CABP5: variants seen among roughly 807,000 people sequenced by gnomAD.
The protein encoded by CABP5 is calcium-binding protein 5.
CABP5 carries 17 observed loss-of-function variants against 21.9 expected under a neutral mutation model. That is an observed-to-expected ratio of 0.78 (90% CI 0.53 to 1.17). CABP5 has a LOEUF of 1.17. CABP5 is among the 50% of genes most tolerant of loss of function. The probability of loss-of-function intolerance (pLI) is 0.00; values close to 1 mark genes in which losing one functional copy is unlikely to be tolerated. For synonymous variants in CABP5, 85 were observed against 79.4 expected, an observed-to-expected ratio of 1.07 and a Z score of -0.37; for missense variants, 229 against 228.9, an observed-to-expected ratio of 1.00 and a Z score of 0.00.
intron 5 of CABP5, among the ~76,000 whole-genome samples, chr19:48,030,988 G>A (rs1490997891): frequency 1.3e-5 from 2 of 151,900 alleles, no homozygotes; most frequent in African/African-American, 4.8e-5. Flanking sequence ...AAATTAAATA[G>A]GTAAATAAAA....
At position 48,030,231 on chromosome 19, in the gene CABP5, G is replaced by A. The variant is rs985779576; in HGVS notation, c.*326C>T. On this transcript the variant is annotated 3_prime_UTR_variant, in exon 6 of 6. Transcript: ENST00000293255. ...AAGGGGAAGCTGGGGAAGAGACTCT[G>A]GCAGGTCACAGGGACTTAGGACTAC... The A allele has an allele frequency of 3.3e-6, 1 of 300,832 alleles. No homozygotes were observed. The highest frequency in any genetic ancestry group is 2.2e-5 in the African/African-American group (1 of 46,262). The allele number at this position is 300,832 out of a possible 1,614,324, so 18.6% of individuals were successfully genotyped here.
intron 4 of CABP5, among the ~76,000 whole-genome samples, chr19:48,035,201 AC>A (rs1214680289): frequency 6.6e-6 from 1 of 152,090 alleles, no homozygotes; most frequent in Admixed American, 6.6e-5. Flanking sequence ...TCTGCATGTA[AC>A]ATCATGTGGT....
intron 4 of CABP5, among the ~76,000 whole-genome samples, chr19:48,035,078 T>C (rs1351558263): frequency 3.9e-5 from 6 of 152,178 alleles, no homozygotes; most frequent in Non-Finnish European, 8.8e-5. Context: ...ATTCCTCCTG[T>C]CTAACCAAAA....
At chr19:48,041,818 C>A (rs1052967142) in intron 1 of CABP5, among the ~76,000 whole-genome samples, 1 of 152,012 alleles carries the variant, frequency 6.6e-6, no homozygotes, top group Non-Finnish European at 1.5e-5. Flanking sequence ...CTCCCACCCA[C>A]GAATCCCAAT....
At position 48,040,483 on chromosome 19, in the gene CABP5, G is replaced by C. The variant is rs2122376637; in HGVS notation, c.238+122C>G. 7 of 996,046 alleles carry C rather than the reference G, an allele frequency of 7.0e-6. No homozygotes were observed. The South Asian group carries it at 1.3e-4, about 19-fold the overall frequency. The allele number at this position is 996,046 out of a possible 1,614,324, so 61.7% of individuals were successfully genotyped here. A position where few individuals can be genotyped will look rare whatever the true frequency, so the allele number is the denominator to read the frequency against. ...GTCGAATCTGACCTGTTTTCTTCCA[G>C]ACTTCTAGTCCCTCTCATCCTCCTC... On this transcript the variant is annotated intron_variant, in intron 3 of 5. Coordinates refer to ENST00000293255, the MANE Select transcript of CABP5 (RefSeq NM_019855.5).
At chr19:48,033,997 C>T (rs1391014508) in intron 5 of CABP5, among the ~76,000 whole-genome samples, 1 of 152,082 alleles carries the variant, frequency 6.6e-6, no homozygotes, top group African/African-American at 2.4e-5. Flanking sequence ...TGAGGTGTTC[C>T]TCGGAGCCAC....
In CABP5 at chr19:48,030,479, G is replaced by T; in HGVS notation, c.*78C>A. ...CCTCTCTGCTTTAAGGGGATCTGGG[G>T]CTTTTGGGCTTTGGTTCTCCACAAG... is the stretch of plus-strand genomic sequence containing the variant. On this transcript the variant is annotated 3_prime_UTR_variant, in exon 6 of 6. Coordinates refer to ENST00000293255, the MANE Select transcript of CABP5 (RefSeq NM_019855.5). 1 of 1,463,978 alleles carries T rather than the reference G, an allele frequency of 6.8e-7. No homozygotes were observed. Among genetic ancestry groups the T allele is most frequent in the Non-Finnish European group, 9.4e-7 (1 of 1,064,516 alleles). The allele number at this position is 1,463,978 out of a possible 1,614,324, so 90.7% of individuals were successfully genotyped here.
At chr19:48,041,140 C>T (rs1002137945) in intron 2 of CABP5, among the ~76,000 whole-genome samples, 1 of 151,984 alleles carries the variant, frequency 6.6e-6, no homozygotes. Context: ...GAGAGGAGAT[C>T]GTGCCATTGC....
intron 4 of CABP5, among the ~76,000 whole-genome samples, chr19:48,034,954 A>C (rs1967389958): frequency 6.6e-6 from 1 of 152,142 alleles, no homozygotes; most frequent in Non-Finnish European, 1.5e-5. Context: ...CTAGGCTTAC[A>C]GTCCTGAGCC....
At chr19:48,043,559 A>G (rs1224354201) in intron 1 of CABP5, among the ~76,000 whole-genome samples, 1 of 137,744 alleles carries the variant, frequency 7.3e-6, no homozygotes, top group Non-Finnish European at 1.6e-5. Context: ...CATTATCACA[A>G]TGAGCATCCA....
intron 4 of CABP5, among the ~76,000 whole-genome samples, chr19:48,038,663 C>T (rs543942071): frequency 3.3e-5 from 5 of 152,068 alleles, no homozygotes; most frequent in African/African-American, 7.2e-5. Context: ...CCCGTCTCTA[C>T]GAAAAATACA....
rs374822522 is a variant in CABP5 at position 48,039,218 on chromosome 19, G to T, written c.338C>A (p.Ala113Asp). The change falls in exon 4 of 6, where the codon GCC becomes GAC. Residue 113 changes from alanine to aspartate, a missense_variant. Ala to Asp is a moderately radical substitution (Grantham distance 126). Coordinates refer to ENST00000293255, the MANE Select transcript of CABP5 (RefSeq NM_019855.5). ...GMIGVQEMRDAFKEFDTNGDG... is the reference protein window; with the variant it reads ...GMIGVQEMRDDFKEFDTNGDG... ...ACACTGTTAACTCACCTCCTTGAAGGCATCCCGCATCTCCTGGACACCGAT... is the reference window on the plus strand; with the variant it reads ...ACACTGTTAACTCACCTCCTTGAAGTCATCCCGCATCTCCTGGACACCGAT... 11 of 1,612,998 alleles carry T rather than the reference G, an allele frequency of 6.8e-6. No individual in the cohort carries two copies. Among genetic ancestry groups the T allele is most frequent in the African/African-American group, 2.7e-5 (2 of 74,846 alleles).
rs888746881 is a variant in CABP5 at position 48,041,481 on chromosome 19, T to C, written c.94+92A>G. ...AGAGAGGGATTGTAAAAATTCCATG[T>C]AATGGAATTTATACGGAAATGCACA... On this transcript the variant is annotated intron_variant, in intron 2 of 5. Transcript: ENST00000293255. 70 of 1,199,620 alleles carry C rather than the reference T, an allele frequency of 5.8e-5. No individual in the cohort carries two copies. The African/African-American group carries it at 1.0e-3, about 17-fold the overall frequency. The allele number at this position is 1,199,620 out of a possible 1,614,324, so 74.3% of individuals were successfully genotyped here. A position where few individuals can be genotyped will look rare whatever the true frequency, so the allele number is the denominator to read the frequency against.
intron 5 of CABP5, among the ~76,000 whole-genome samples, chr19:48,031,167 C>T (rs1967335162): frequency 6.6e-6 from 1 of 151,936 alleles, no homozygotes; most frequent in African/African-American, 2.4e-5. Context: ...AATGGGAATC[C>T]TAGTATTGCT....
Position 48,035,355 on chromosome 19 carries a change from T to G in CABP5, c.349-993A>C, listed in dbSNP as rs141760808. Among the ~76,000 whole-genome samples, 678 of 152,324 alleles carry G rather than the reference T, an allele frequency of 4.5e-3. 2 individuals are homozygous for G. The highest frequency in any genetic ancestry group is 0.015 in the African/African-American group (639 of 41,574). ...GCTCATGCCTGTAATCCCAGCACTT[T>G]GGGAGGCCAAGGCGGGTGGATCACC... On this transcript the variant is annotated intron_variant, in intron 4 of 5. Transcript: ENST00000293255.
intron 4 of CABP5, among the ~76,000 whole-genome samples, chr19:48,035,482 G>A (rs1394077025): frequency 2.6e-5 from 4 of 152,130 alleles, no homozygotes; most frequent in South Asian, 2.1e-4. Context: ...CTGTAGTCCC[G>A]GCTACTCGAG....
intron 5 of CABP5, among the ~76,000 whole-genome samples, 187 bp downstream of exon 5, chr19:48,034,027 GC>G (rs1304509236): frequency 6.6e-6 from 1 of 152,192 alleles, no homozygotes; most frequent in African/African-American, 2.4e-5. Flanking sequence ...GCGACACCCA[GC>G]TCTTTGAAAT....
In CABP5 at chr19:48,030,487, G is replaced by C; in HGVS notation, c.*70C>G. The stretch of plus-strand genomic sequence containing the variant: ...CTTTAAGGGGATCTGGGGCTTTTGG[G>C]CTTTGGTTCTCCACAAGCGCTTGCT... On this transcript the variant is annotated 3_prime_UTR_variant, in exon 6 of 6. Transcript: ENST00000293255. 1 of 1,515,282 alleles carries C rather than the reference G, an allele frequency of 6.6e-7. No individual in the cohort carries two copies. Among genetic ancestry groups the C allele is most frequent in the Non-Finnish European group, 9.0e-7 (1 of 1,110,956 alleles). 93.9% of individuals were successfully genotyped at this position (1,515,282 alleles called of 1,614,324 possible).
chr19:48,042,024 A>T (rs1222252010), intron 1 of CABP5, among the ~76,000 whole-genome samples: 2 of 152,146 alleles, frequency 1.3e-5, no homozygotes, highest in East Asian at 3.9e-4. Flanking sequence ...TGTGATGCAG[A>T]TCTACATCTC....
Sources: gnomAD v4.1 joint callset for allele counts (sites outside exome capture counted in the v4.1 genomes callset) on GRCh38, gnomAD v4.1.1 for gene constraint, MANE v1.5 for transcripts, NCBI Gene and HGNC (gene_info 2026-07-23, HGNC 2026-07-21) for gene names.